The following JHY variants were observed in gnomAD, a reference collection of about 807,000 sequenced individuals.
The protein encoded by JHY is junctional cadherin complex regulator, also known as jhy protein homolog.
JHY carries 69 observed loss-of-function variants against 78.0 expected under a neutral mutation model. The ratio of observed to expected loss-of-function variants is 0.88; its 90% CI spans 0.73 to 1.08. JHY has a LOEUF of 1.08. Among genes scored for constraint, JHY ranks in the 50% least tolerant of loss-of-function variants. The pLI, the probability that JHY is intolerant of heterozygous loss-of-function variation, is 0.00. For synonymous variants in JHY, 368 were observed against 342.6 expected, an observed-to-expected ratio of 1.07 and a Z score of -0.82; for missense variants, 944 against 927.8, an observed-to-expected ratio of 1.02 and a Z score of -0.23.
chr11:122,959,365 T>A lies in JHY; in HGVS notation c.2257T>A (p.Ser753Thr), dbSNP rs765289575. 5 of 1,613,968 alleles carry A rather than the reference T, an allele frequency of 3.1e-6. No homozygotes were observed. In the African/African-American group the frequency reaches 6.7e-5, roughly 22 times the overall value. Residue 753 changes from serine to threonine, a missense_variant, in exon 9 of 9, where the codon TCA becomes ACA. By Grantham distance (58) the Ser-to-Thr change is moderately conservative. Transcript: ENST00000227349. ...AGKEESLPEI[S>T]LLEILQNRHE... ...GAAAGAAGAAAGTTTACCTGAAATC[T>A]CACTGCTGGAAATACTGCAGAACAG...
In JHY at chr11:122,962,769, C is replaced by G. The variant is rs1451101663; in HGVS notation, c.*3324C>G. ...TAGAGCTTGGAAAGTTTGTCACATT[C>G]AACTGCCAGTTTTTCAGAAGATGAA... On this transcript the variant is annotated 3_prime_UTR_variant, in exon 9 of 9. Transcript: ENST00000227349. Among the ~76,000 whole-genome samples, 1 of 152,164 alleles carries G rather than the reference C, an allele frequency of 6.6e-6. No individual in the cohort carries two copies. The highest frequency in any genetic ancestry group is 1.5e-5 in the Non-Finnish European group (1 of 68,020).
chr11:122,920,198 A>T (rs1177030827), intron 3 of JHY, among the ~76,000 whole-genome samples: 2 of 152,232 alleles, frequency 1.3e-5, no homozygotes, highest in Non-Finnish European at 1.5e-5. Context: ...CTCACTCCTT[A>T]GCCAAGTTAA....
intron 4 of JHY, among the ~76,000 whole-genome samples, chr11:122,930,807 T>G (rs1863619885): frequency 6.6e-6 from 1 of 152,232 alleles, no homozygotes; most frequent in Non-Finnish European, 1.5e-5. Flanking sequence ...ACATTCCCAC[T>G]GGCAGAAGAT....
chr11:122,885,618 C>T (rs575670072), intron 1 of JHY, 143 bp from the exon 2 acceptor site: 123 of 439,204 alleles, frequency 2.8e-4, no homozygotes, highest in African/African-American at 2.4e-3. Flanking sequence ...TTCTAATAGA[C>T]CTTTCTTATA....
In JHY at chr11:122,946,738, C is replaced by A; in HGVS notation, c.1875C>A (p.Gly625=). 1 of 1,613,848 alleles carries A rather than the reference C, an allele frequency of 6.2e-7. No homozygotes were observed. The highest frequency in any genetic ancestry group is 8.5e-7 in the Non-Finnish European group (1 of 1,179,928). ...QVKISRSNSE[G]YLFQLEKGKK... ...AAATTAGCCGTAGCAATTCTGAAGGCTATCTGTTTCAACTGGAAAAGGGAA... is the reference window on the plus strand; with the variant it reads ...AAATTAGCCGTAGCAATTCTGAAGGATATCTGTTTCAACTGGAAAAGGGAA... The change falls in exon 6 of 9, where the codon GGC becomes GGA. Residue 625 remains glycine, a synonymous_variant. Transcript: ENST00000227349.
intron 3 of JHY, among the ~76,000 whole-genome samples, chr11:122,913,453 A>C (rs186751112): frequency 1.3e-3 from 197 of 152,284 alleles, no homozygotes; most frequent in African/African-American, 4.4e-3. Flanking sequence ...TCTGAGTGGT[A>C]CGAAAGGCCC....
At chr11:122,893,885 T>C (rs1323492097) in intron 2 of JHY, among the ~76,000 whole-genome samples, 1 of 152,138 alleles carries the variant, frequency 6.6e-6, no homozygotes, top group East Asian at 1.9e-4. Flanking sequence ...ACCCAAGACC[T>C]AGAGTGGTGG....
chr11:122,946,935 T>C, intron 6 of JHY, 143 bp downstream of exon 6: 2 of 912,262 alleles, frequency 2.2e-6, no homozygotes, highest in Non-Finnish European at 3.2e-6. Flanking sequence ...AGGAGTTTCT[T>C]ACTCCTGCCC....
Position 122,961,147 on chromosome 11 carries a change from C to A in JHY, c.*1702C>A. ...GTTGACTGACTAAATGGAAACTAGG[C>A]TATGTGGCAAAATCTTTCTGTATTG... On this transcript the variant is annotated 3_prime_UTR_variant, in exon 9 of 9. Transcript: ENST00000227349. The A allele has an allele frequency of 1.5e-6, 1 of 662,990 alleles. No homozygotes were observed. Among genetic ancestry groups the A allele is most frequent in the Non-Finnish European group, 2.6e-6 (1 of 378,792 alleles). 41.1% of individuals were successfully genotyped at this position (662,990 alleles called of 1,614,324 possible).
rs866100186 is a variant in JHY, at chr11:122,922,682, T to C, written c.865-2215T>C. Among the ~76,000 whole-genome samples, 81 of 151,968 alleles carry C rather than the reference T, an allele frequency of 5.3e-4. 1 individual carries two copies. Among genetic ancestry groups the C allele is most frequent in the Middle Eastern group, 3.4e-3 (1 of 292 alleles). On this transcript the variant is annotated intron_variant, in intron 3 of 8. Transcript: ENST00000227349. ...AAAATTAGCCGGGGGTGGTGGCAGGTGCCTGTAGTCCCAGCTACTCAGGAG... is the reference window on the plus strand; with the variant it reads ...AAAATTAGCCGGGGGTGGTGGCAGGCGCCTGTAGTCCCAGCTACTCAGGAG...
At chr11:122,902,273 A>G (rs976820320) in intron 2 of JHY, among the ~76,000 whole-genome samples, 1 of 151,976 alleles carries the variant, frequency 6.6e-6, no homozygotes, top group African/African-American at 2.4e-5. Flanking sequence ...CCTGGCCAAC[A>G]TGGCAAAACC....
intron 4 of JHY, among the ~76,000 whole-genome samples, chr11:122,931,398 C>T (rs566080111): frequency 6.6e-6 from 1 of 152,160 alleles, no homozygotes; most frequent in African/African-American, 2.4e-5. Context: ...CCTGATTAAC[C>T]TTTCCAAAAA....
At position 122,943,071 on chromosome 11, in the gene JHY, C is replaced by T. The variant is rs370906644; in HGVS notation, c.1635-3427C>T. On this transcript the variant is annotated intron_variant, in intron 5 of 8. Transcript: ENST00000227349. ...TAAAATTTATTTGGAGACAGGGTCTCATTATGTTGCTCAGGCTGGTCTTAA... is the reference window on the plus strand; with the variant it reads ...TAAAATTTATTTGGAGACAGGGTCTTATTATGTTGCTCAGGCTGGTCTTAA... 3.3e-5 allele frequency among the ~76,000 whole-genome samples: 5 copies of T among 152,220 alleles called. No individual in the cohort carries two copies. The East Asian group carries it at 5.8e-4, about 18-fold the overall frequency.
intron 3 of JHY, among the ~76,000 whole-genome samples, chr11:122,915,886 A>G (rs1412161887): frequency 6.6e-6 from 1 of 152,188 alleles, no homozygotes; most frequent in Admixed American, 6.6e-5. Flanking sequence ...GGGCAATGGC[A>G]TGAAGTCGTG....
At chr11:122,931,178 A>G (rs942610438) in intron 4 of JHY, among the ~76,000 whole-genome samples, 5 of 152,232 alleles carry the variant, frequency 3.3e-5, no homozygotes, top group African/African-American at 9.6e-5. Flanking sequence ...AGACACAAAC[A>G]TTCAAACCAT....
At chr11:122,891,269 CT>C (rs1862608576) in intron 2 of JHY, among the ~76,000 whole-genome samples, 1 of 152,172 alleles carries the variant, frequency 6.6e-6, no homozygotes, top group Non-Finnish European at 1.5e-5. Flanking sequence ...GAGTCCTACA[CT>C]TGTGTTTTGA....
intron 2 of JHY, among the ~76,000 whole-genome samples, chr11:122,887,450 G>A (rs536025015): frequency 9.1e-4 from 138 of 152,264 alleles, no homozygotes; most frequent in African/African-American, 3.1e-3. Flanking sequence ...AGCCTCCCGA[G>A]TAGCTGGGAC....
intron 2 of JHY, 136 bp downstream of exon 2, chr11:122,886,329 A>G: frequency 1.2e-6 from 1 of 808,754 alleles, no homozygotes; most frequent in Non-Finnish European, 1.9e-6. Context: ...CCAAGCAGCC[A>G]AGGATAGCTG....
At chr11:122,937,714 T>C (rs1863788063) in intron 5 of JHY, among the ~76,000 whole-genome samples, 1 of 152,140 alleles carries the variant, frequency 6.6e-6, no homozygotes, top group Non-Finnish European at 1.5e-5. Flanking sequence ...CATGCCCTCA[T>C]GGAGACCCTC....
Sources: gnomAD v4.1 joint callset for allele counts (sites outside exome capture counted in the v4.1 genomes callset) on GRCh38, gnomAD v4.1.1 for gene constraint, MANE v1.5 for transcripts, NCBI Gene and HGNC (gene_info 2026-07-23, HGNC 2026-07-21) for gene names.